PCDHGB1: variants seen among roughly 807,000 people sequenced by gnomAD.
PCDHGB1 encodes the protein protocadherin gamma-B1.
In PCDHGB1, 34 loss-of-function variants were observed where a neutral mutation model predicts 56.6. The observed-to-expected ratio is 0.60, with a 90% CI of 0.46 to 0.80. PCDHGB1 has a LOEUF of 0.80. Ranked by LOEUF, PCDHGB1 falls within the 30% of genes least tolerant of loss-of-function variation. The probability of loss-of-function intolerance (pLI) is 0.00; values close to 1 mark genes in which losing one functional copy is unlikely to be tolerated. For missense variants in PCDHGB1, 1,278 were observed against 1,204.6 expected (o/e 1.06, Z -0.90); for synonymous variants, 561 against 505.9 (o/e 1.11, Z -1.46).
In PCDHGB1 at chr5:141,490,673, C is replaced by T; in HGVS notation, c.2410-4134C>T. ...GGCTCCCTTCTTTGCACTGTGGCTG[C>T]CTCAGATCCAGACACTGGGGATAAT... On this transcript the variant is annotated intron_variant, in intron 1 of 3. Coordinates refer to ENST00000523390, the MANE Select transcript of PCDHGB1 (RefSeq NM_018922.3). This position sits in a 1 kb window ranked among gnomAD's most constrained non-coding sequence, Gnocchi z 5.4. 1.2e-6 allele frequency: 2 copies of T among 1,614,126 alleles called. No homozygotes were observed. The highest frequency in any genetic ancestry group is 1.7e-6 in the Non-Finnish European group (2 of 1,179,952).
At position 141,413,407 on chromosome 5, in the gene PCDHGB1, C is replaced by G. The variant is rs372466798; in HGVS notation, c.2409+60738C>G. The G allele has an allele frequency of 3.3e-5, 53 of 1,613,926 alleles. No homozygotes were observed. Among genetic ancestry groups the G allele is most frequent in the Middle Eastern group, 1.6e-4 (1 of 6,082 alleles). ...CATAGTCTCCAGAGGTAGGACGCAG[C>G]TTTTCTCTCTGAACCCGCGCAGCGG... On this transcript the variant is annotated intron_variant, in intron 1 of 3. Transcript: ENST00000523390.
Position 141,431,461 on chromosome 5 carries a change from T to C in PCDHGB1, c.2410-63346T>C, listed in dbSNP as rs1477501293. 1 of 1,613,800 alleles carries C rather than the reference T, an allele frequency of 6.2e-7. No individual in the cohort carries two copies. Among genetic ancestry groups the C allele is most frequent in the Admixed American group, 1.7e-5 (1 of 60,032 alleles). ...CGCGCATCCGCGTGATGGTTCTGGA[T>C]GCGAACGACAACGCACCAGCGTTTG... On this transcript the variant is annotated intron_variant, in intron 1 of 3. Transcript: ENST00000523390. The surrounding 1 kb of genome is among the most constrained non-coding windows in gnomAD (Gnocchi z 4.8).
chr5:141,408,313 T>C, intron 1 of PCDHGB1: 1 of 1,613,758 alleles, frequency 6.2e-7, no homozygotes, highest in South Asian at 1.1e-5. Context: ...GCTACTCGAT[T>C]CCGGAGGAGC....
chr5:141,359,612 G>A (rs989311707), intron 1 of PCDHGB1, among the ~76,000 whole-genome samples: 1 of 151,696 alleles, frequency 6.6e-6, no homozygotes, highest in Admixed American at 6.6e-5. Context: ...TGCAGAATAT[G>A]GTATGTTGTA....
Position 141,356,825 on chromosome 5 carries a change from T to A in PCDHGB1, c.2409+4156T>A, listed in dbSNP as rs573413184. 3.1e-6 allele frequency: 5 copies of A among 1,614,132 alleles called. No homozygotes were observed. The East Asian group carries it at 8.9e-5, about 29-fold the overall frequency. On this transcript the variant is annotated intron_variant, in intron 1 of 3. Transcript: ENST00000523390. Reference sequence around the variant, plus strand: ...GCCAGTGACAGTGGAGACCCTCCACTCAGCAGCAATGTGTCACTGAGCCTC... The same window carrying A: ...GCCAGTGACAGTGGAGACCCTCCACACAGCAGCAATGTGTCACTGAGCCTC...
chr5:141,381,798 C>CTCTTTCTT (rs372235829), intron 1 of PCDHGB1, among the ~76,000 whole-genome samples: 5 of 144,132 alleles, frequency 3.5e-5, no homozygotes, highest in African/African-American at 8.0e-5. Context: ...AGGCAATTCC[C>CTCTTTCTT]TCTTTCTTTC....
chr5:141,419,923 G>A, intron 1 of PCDHGB1: 4 of 1,614,088 alleles, frequency 2.5e-6, no homozygotes, highest in Non-Finnish European at 3.4e-6. Flanking sequence ...AGGCTGAGAT[G>A]CAGTTTTACC....
At chr5:141,373,416 G>A (rs1162363989) in intron 1 of PCDHGB1, among the ~76,000 whole-genome samples, 3 of 152,182 alleles carry the variant, frequency 2.0e-5, no homozygotes, top group Non-Finnish European at 4.4e-5. Context: ...CCAGCTACTC[G>A]GGAGGCTGAG....
rs563642216 is a variant in PCDHGB1, at chr5:141,376,735, G to A, written c.2409+24066G>A. The A allele has an allele frequency of 1.9e-5, 10 of 521,610 alleles. 1 individual carries two copies. The South Asian group carries it at 2.3e-4, about 12-fold the overall frequency. 32.3% of individuals were successfully genotyped at this position (521,610 alleles called of 1,614,324 possible). ...CGCTCTGTCGCCCAGGCCGGACTGC[G>A]GACTGCAGTGGCGCAATCTCGGCTC... On this transcript the variant is annotated intron_variant, in intron 1 of 3. Coordinates refer to ENST00000523390, the MANE Select transcript of PCDHGB1 (RefSeq NM_018922.3).
Position 141,493,788 on chromosome 5 carries a change from C to A in PCDHGB1, c.2410-1019C>A, listed in dbSNP as rs2099750132. On this transcript the variant is annotated intron_variant, in intron 1 of 3. Transcript: ENST00000523390. This position sits in a 1 kb window ranked among gnomAD's most constrained non-coding sequence, Gnocchi z 4.3. ...ACTGGCAGTTCCGGAGCTTCCTTCT[C>A]CCTGGAGTAATCTGAGATACTCACA... 6.6e-6 allele frequency among the ~76,000 whole-genome samples: 1 copy of A among 152,162 alleles called. No homozygotes were observed. The highest frequency in any genetic ancestry group is 1.5e-5 in the Non-Finnish European group (1 of 68,026).
chr5:141,386,419 G>T (rs952384075), intron 1 of PCDHGB1, among the ~76,000 whole-genome samples: 1 of 152,112 alleles, frequency 6.6e-6, no homozygotes, highest in African/African-American at 2.4e-5. Flanking sequence ...GTTGCAAGCT[G>T]TAGCCCACCT....
chr5:141,361,508 T>A (rs1762052738), intron 1 of PCDHGB1: 1 of 1,613,910 alleles, frequency 6.2e-7, no homozygotes, highest in Admixed American at 1.7e-5. Context: ...ACTTCCTACA[T>A]GGTTCACGTG....
chr5:141,369,589 A>G (rs1339057936), intron 1 of PCDHGB1, among the ~76,000 whole-genome samples: 1 of 152,238 alleles, frequency 6.6e-6, no homozygotes, highest in Non-Finnish European at 1.5e-5. Flanking sequence ...GCTTTTTACT[A>G]TACTTCTATT....
At position 141,431,595 on chromosome 5, in the gene PCDHGB1, A is replaced by G; in HGVS notation, c.2410-63212A>G. The G allele has an allele frequency of 6.2e-7, 1 of 1,614,218 alleles. No homozygotes were observed. The highest frequency in any genetic ancestry group is 8.5e-7 in the Non-Finnish European group (1 of 1,180,034). On this transcript the variant is annotated intron_variant, in intron 1 of 3. Transcript: ENST00000523390. The surrounding 1 kb of genome is among the most constrained non-coding windows in gnomAD (Gnocchi z 4.8). Reference sequence around the variant, plus strand: ...GAAGGAGTCAATGCGGAAGTGAGGTATTCCTTCCGGTATGTGGACGACAAG... The same window carrying G: ...GAAGGAGTCAATGCGGAAGTGAGGTGTTCCTTCCGGTATGTGGACGACAAG...
rs948532839 is a variant in PCDHGB1, at chr5:141,350,738, G to A, written c.478G>A (p.Glu160Lys). ...SLDSAQDADV[E>K]GNSLKLYTIN... Reference sequence around the variant, plus strand: ...GGATTCTGCTCAAGATGCAGATGTGGAAGGCAATTCACTGAAGTTATACAC... The same window carrying A: ...GGATTCTGCTCAAGATGCAGATGTGAAAGGCAATTCACTGAAGTTATACAC... Residue 160 changes from glutamate to lysine, a missense_variant, in exon 1 of 4, where the codon GAA becomes AAA. By Grantham distance (56) the Glu-to-Lys change is moderately conservative. Coordinates refer to ENST00000523390, the MANE Select transcript of PCDHGB1 (RefSeq NM_018922.3). 1 of 1,613,930 alleles carries A rather than the reference G, an allele frequency of 6.2e-7. No homozygotes were observed. Among genetic ancestry groups the A allele is most frequent in the Non-Finnish European group, 8.5e-7 (1 of 1,179,888 alleles).
intron 1 of PCDHGB1, among the ~76,000 whole-genome samples, 192 bp downstream of exon 1, chr5:141,352,861 G>A (rs1041209949): frequency 2.6e-5 from 4 of 152,108 alleles, no homozygotes; most frequent in African/African-American, 9.7e-5. Context: ...GGTGGCACGC[G>A]CCTGTAGTCC....
chr5:141,382,917 G>A (rs527482854), intron 1 of PCDHGB1: 1 of 1,555,450 alleles, frequency 6.4e-7, no homozygotes, highest in East Asian at 2.3e-5. Flanking sequence ...CTCAGCCGAG[G>A]GGCGGGGACT....
Position 141,375,230 on chromosome 5 carries a change from A to G in PCDHGB1, c.2409+22561A>G. ...AGACTCTGGCCTGAATGGCCTGGTA[A>G]CCTGTTCCATCCCGAGAAGTCTCCC... On this transcript the variant is annotated intron_variant, in intron 1 of 3. Coordinates refer to ENST00000523390, the MANE Select transcript of PCDHGB1 (RefSeq NM_018922.3). 2 of 1,613,988 alleles carry G rather than the reference A, an allele frequency of 1.2e-6. No individual in the cohort carries two copies. The highest frequency in any genetic ancestry group is 8.5e-7 in the Non-Finnish European group (1 of 1,179,900).
chr5:141,430,997 C>G, intron 1 of PCDHGB1: 1 of 1,613,926 alleles, frequency 6.2e-7, no homozygotes. Context: ...CCTGAATCCG[C>G]GCAGCGGCAG....
Sources: allele counts gnomAD v4.1 joint callset (sites outside exome capture counted in the v4.1 genomes callset), GRCh38; gene constraint gnomAD v4.1.1; non-coding constraint Gnocchi (gnomAD v3.1); transcripts MANE v1.5; gene names NCBI Gene and HGNC (gene_info 2026-07-23, HGNC 2026-07-21).